SORCS1: variants seen among roughly 807,000 people sequenced by gnomAD.
The protein encoded by SORCS1 is VPS10 domain-containing receptor SorCS1.
SORCS1 carries 60 observed loss-of-function variants against 146.1 expected under a neutral mutation model. The ratio of observed to expected loss-of-function variants is 0.41; its 90% CI spans 0.33 to 0.51. SORCS1 has a LOEUF of 0.51. Ranked by LOEUF, SORCS1 falls within the 20% of genes least tolerant of loss-of-function variation. The pLI is 0.21. For missense variants in SORCS1, 1,352 were observed against 1,487.6 expected (o/e 0.91, Z 1.50); for synonymous variants, 637 against 584.0 (o/e 1.09, Z -1.31).
intron 5 of SORCS1, among the ~76,000 whole-genome samples, chr10:106,754,438 T>C (rs375517310): frequency 7.2e-5 from 11 of 152,288 alleles, no homozygotes; most frequent in African/African-American, 2.4e-4. Flanking sequence ...AGCCAATATC[T>C]CTTTAAAATT....
intron 6 of SORCS1, among the ~76,000 whole-genome samples, chr10:106,724,247 G>A (rs139286526): frequency 0.024 from 3,605 of 152,202 alleles, 119 homozygotes; most frequent in African/African-American, 0.074. Flanking sequence ...GGTGGCTCAC[G>A]CCTGTAATCC....
chr10:107,043,593 T>A (rs536827402), intron 1 of SORCS1, among the ~76,000 whole-genome samples: 1 of 152,246 alleles, frequency 6.6e-6, no homozygotes, highest in African/African-American at 2.4e-5. Flanking sequence ...TCCCTTCCTG[T>A]CAAGCTTGCT....
rs138807923 is a variant in SORCS1 at position 106,685,196 on chromosome 10, C to T, written c.1560+2996G>A. On this transcript the variant is annotated intron_variant, in intron 10 of 25. Transcript: ENST00000263054. ...GACTCTCAGAGGGAATGAACAGCTT[C>T]CATTAAAATCCAAACGCGAAACTGT... Among the ~76,000 whole-genome samples the T allele has an allele frequency of 2.6e-5, 4 of 152,298 alleles. No individual in the cohort carries two copies. In the East Asian group the frequency reaches 5.8e-4, roughly 22 times the overall value.
intron 25 of SORCS1, chr10:106,578,362 A>G (rs1255499116): frequency 6.6e-6 from 1 of 152,336 alleles, no homozygotes; most frequent in Non-Finnish European, 1.5e-5. Flanking sequence ...AGCCATTGAA[A>G]TATGAGAAAG....
chr10:107,057,245 A>C (rs2134090733), intron 1 of SORCS1, among the ~76,000 whole-genome samples: 1 of 152,314 alleles, frequency 6.6e-6, no homozygotes, highest in African/African-American at 2.4e-5. Context: ...TCATAAAATG[A>C]GTTTCTTGAA....
chr10:106,733,831 G>A (rs1238141878), intron 5 of SORCS1, among the ~76,000 whole-genome samples: 2 of 152,090 alleles, frequency 1.3e-5, no homozygotes, highest in Non-Finnish European at 2.9e-5. Context: ...GGGCACCTTT[G>A]TTTTATGCCT....
intron 21 of SORCS1, among the ~76,000 whole-genome samples, chr10:106,613,872 T>C (rs867177595): frequency 1.3e-4 from 20 of 152,152 alleles, no homozygotes; most frequent in Admixed American, 3.9e-4. Context: ...CTGCTGGCTC[T>C]GTCCATACCA....
At chr10:107,158,768 G>A (rs563220932) in intron 1 of SORCS1, among the ~76,000 whole-genome samples, 28 of 152,256 alleles carry the variant, frequency 1.8e-4, no homozygotes, top group South Asian at 8.3e-4. Flanking sequence ...AATAATTTGC[G>A]TAAGGCTCTT....
chr10:106,828,604 G>A (rs1366921147), intron 3 of SORCS1, among the ~76,000 whole-genome samples: 3 of 152,166 alleles, frequency 2.0e-5, no homozygotes, highest in Non-Finnish European at 4.4e-5. Context: ...TTATGGTTTA[G>A]GGTATGTTAA....
chr10:106,635,509 T>C (rs909448651), intron 18 of SORCS1, among the ~76,000 whole-genome samples: 44 of 152,116 alleles, frequency 2.9e-4, no homozygotes, highest in Non-Finnish European at 6.0e-4. Context: ...CTGTTAATAT[T>C]GATTACCCTG....
At chr10:107,150,171 G>GT (rs141282199) in intron 1 of SORCS1, among the ~76,000 whole-genome samples, 31 of 152,272 alleles carry the variant, frequency 2.0e-4, no homozygotes, top group African/African-American at 7.0e-4. Flanking sequence ...ATTCATCTTT[G>GT]TATTCCCAGC....
At chr10:106,758,026 T>A (rs1163850268) in intron 5 of SORCS1, among the ~76,000 whole-genome samples, 2 of 152,222 alleles carry the variant, frequency 1.3e-5, no homozygotes, top group Non-Finnish European at 2.9e-5. Flanking sequence ...ATGGGCAAGA[T>A]ATGTCTGTAT....
At chr10:106,829,293 T>C (rs953727057) in intron 3 of SORCS1, among the ~76,000 whole-genome samples, 5 of 152,224 alleles carry the variant, frequency 3.3e-5, no homozygotes, top group Admixed American at 2.0e-4. Context: ...GTCAGAACTC[T>C]TACTAGAGAG....
chr10:106,726,823 A>G (rs998876564), intron 6 of SORCS1, among the ~76,000 whole-genome samples: 3 of 152,146 alleles, frequency 2.0e-5, no homozygotes, highest in African/African-American at 7.2e-5. Flanking sequence ...GCGGTGGCTC[A>G]CGCCTATAAT....
intron 2 of SORCS1, among the ~76,000 whole-genome samples, chr10:106,863,532 A>T (rs1403799334): frequency 6.6e-6 from 1 of 152,038 alleles, no homozygotes; most frequent in Non-Finnish European, 1.5e-5. Context: ...TTCAAAAAAA[A>T]AAAAAAAAGT....
chr10:106,736,182 G>A lies in SORCS1; in HGVS notation c.960-6068C>T, dbSNP rs148752645. Among the ~76,000 whole-genome samples, 309 of 152,170 alleles carry A rather than the reference G, an allele frequency of 2.0e-3. 2 individuals are homozygous for A. Among genetic ancestry groups the A allele is most frequent in the African/African-American group, 6.9e-3 (286 of 41,516 alleles). On this transcript the variant is annotated intron_variant, in intron 5 of 25. Transcript: ENST00000263054. The stretch of plus-strand genomic sequence containing the variant: ...CAGAAATGTCACTAGTTTATCATTC[G>A]CCTGGCATTTTGTCTGAGTTTATAC...
chr10:106,778,379 CA>C (rs1860625725), intron 3 of SORCS1, among the ~76,000 whole-genome samples: 1 of 152,010 alleles, frequency 6.6e-6, no homozygotes, highest in Non-Finnish European at 1.5e-5. Flanking sequence ...GCCCACCAAC[CA>C]TAAATTCTGA....
intron 1 of SORCS1, among the ~76,000 whole-genome samples, chr10:107,046,159 T>C (rs1959403237): frequency 2.0e-5 from 3 of 152,194 alleles, no homozygotes; most frequent in African/African-American, 7.2e-5. Context: ...GTTGGCCAGA[T>C]GGTCTCAATC....
intron 2 of SORCS1, among the ~76,000 whole-genome samples, chr10:106,836,484 A>AG (rs1048048062): frequency 1.3e-5 from 2 of 151,324 alleles, no homozygotes; most frequent in African/African-American, 4.9e-5. Flanking sequence ...CAAAAAAAAA[A>AG]AAAAAAAAAA....
Sources: allele counts gnomAD v4.1 joint callset (sites outside exome capture counted in the v4.1 genomes callset), GRCh38; gene constraint gnomAD v4.1.1; transcripts MANE v1.5; gene names NCBI Gene and HGNC (gene_info 2026-07-23, HGNC 2026-07-21).